MAST4: variants seen among roughly 807,000 people sequenced by gnomAD.
MAST4 encodes microtubule-associated serine/threonine-protein kinase 4.
Under a neutral mutation model 162.7 loss-of-function variants are expected in MAST4, and 89 were observed. The observed-to-expected ratio is 0.55, with a 90% CI of 0.46 to 0.65. The LOEUF (loss-of-function observed/expected upper bound fraction) is 0.65, where lower values mean the gene tolerates loss of function less well. Ranked by LOEUF, MAST4 falls within the 30% of genes least tolerant of loss-of-function variation. The pLI is 0.00. For missense variants in MAST4, 3,153 were observed against 3,374.0 expected, an observed-to-expected ratio of 0.93 and a Z score of 1.62; for synonymous variants, 1,479 against 1,361.1, an observed-to-expected ratio of 1.09 and a Z score of -1.91.
intron 1 of MAST4, among the ~76,000 whole-genome samples, chr5:66,624,766 A>C (rs1011188921): frequency 2.0e-5 from 3 of 152,210 alleles, no homozygotes; most frequent in Admixed American, 6.5e-5. Context: ...CAATTTCTGT[A>C]AGAGTGCCAA....
In MAST4 at chr5:67,167,326, T is replaced by C. The variant is rs1774176064; in HGVS notation, c.*275T>C. ...TACAGTTGAGGGTTGTTGAGGAAAATGATTTTCTTTGTAAATATATAGCAT... is the reference window on the plus strand; with the variant it reads ...TACAGTTGAGGGTTGTTGAGGAAAACGATTTTCTTTGTAAATATATAGCAT... On this transcript the variant is annotated 3_prime_UTR_variant, in exon 29 of 29. Transcript: ENST00000403625. 1 of 289,954 alleles carries C rather than the reference T, an allele frequency of 3.4e-6. No homozygotes were observed. The highest frequency in any genetic ancestry group is 2.4e-5 in the African/African-American group (1 of 41,082). The allele number at this position is 289,954 out of a possible 1,614,324, so 18.0% of individuals were successfully genotyped here. A position where few individuals can be genotyped will look rare whatever the true frequency, so the allele number is the denominator to read the frequency against.
chr5:66,907,817 G>T (rs942337903), intron 4 of MAST4, among the ~76,000 whole-genome samples: 3 of 152,038 alleles, frequency 2.0e-5, no homozygotes, highest in Non-Finnish European at 4.4e-5. Context: ...CAAAGTAAAG[G>T]CAATGTTTCC....
At chr5:66,875,031 G>T (rs1234908976) in intron 3 of MAST4, among the ~76,000 whole-genome samples, 3 of 152,128 alleles carry the variant, frequency 2.0e-5, no homozygotes, top group African/African-American at 7.2e-5. Flanking sequence ...CAAAAAAATA[G>T]GTTGATTTTT....
intron 4 of MAST4, among the ~76,000 whole-genome samples, chr5:66,983,770 T>G (rs369183138): frequency 6.6e-6 from 1 of 152,200 alleles, no homozygotes; most frequent in Non-Finnish European, 1.5e-5. Context: ...GTGTTATGAC[T>G]TTACACAAAG....
chr5:66,844,753 T>C (rs1239855735), intron 3 of MAST4, among the ~76,000 whole-genome samples: 3 of 152,072 alleles, frequency 2.0e-5, no homozygotes, highest in African/African-American at 4.8e-5. Context: ...TAAAGAGTGC[T>C]GTAAGAGTAC....
At chr5:66,750,653 G>A (rs914846574) in intron 1 of MAST4, among the ~76,000 whole-genome samples, 6 of 152,206 alleles carry the variant, frequency 3.9e-5, no homozygotes, top group Non-Finnish European at 7.3e-5. Flanking sequence ...CTACGCCCAC[G>A]GAGTCTCCCT....
chr5:67,038,674 A>T (rs71626484), intron 4 of MAST4, among the ~76,000 whole-genome samples: 37,252 of 152,054 alleles, frequency 0.24, 4,912 homozygotes, highest in African/African-American at 0.3. Flanking sequence ...CTCCCTTCTT[A>T]TACATTATTT....
chr5:66,718,967 T>C (rs908674847), intron 1 of MAST4, among the ~76,000 whole-genome samples: 1 of 152,216 alleles, frequency 6.6e-6, no homozygotes. Context: ...TCTTCTTTGG[T>C]CTTTAACACC....
intron 3 of MAST4, among the ~76,000 whole-genome samples, chr5:66,799,267 A>G (rs1755800894): frequency 6.6e-6 from 1 of 152,202 alleles, no homozygotes; most frequent in Non-Finnish European, 1.5e-5. Context: ...TTTAGTGTAC[A>G]CACTGCCTCT....
At position 67,078,863 on chromosome 5, in the gene MAST4, A is replaced by AATATATATTTATATAAATATATTTATAT. The variant is rs1561621419; in HGVS notation, c.764-11296_764-11269dup. 8.4e-5 allele frequency among the ~76,000 whole-genome samples: 8 copies of AATATATATTTATATAAATATATTTATAT among 95,320 alleles called. No homozygotes were observed. The South Asian group carries it at 8.4e-4, about 10-fold the overall frequency. 62.5% of individuals were successfully genotyped at this position (95,320 alleles called of 152,430 possible). On this transcript the variant is annotated intron_variant, in intron 5 of 28. Coordinates refer to ENST00000403625, the MANE Select transcript of MAST4 (RefSeq NM_001164664.2). Reference sequence around the variant, plus strand: ...TTAAATATATTTATATATTTATATAAATATATATTTATATAAATATATTTA... The same window carrying AATATATATTTATATAAATATATTTATAT: ...TTAAATATATTTATATATTTATATAAATATATATTTATATAAATATATTTATATATATATATTTATATAAATATATTTA...
chr5:66,869,781 C>G (rs1329417057), intron 3 of MAST4, among the ~76,000 whole-genome samples: 1 of 152,056 alleles, frequency 6.6e-6, no homozygotes, highest in Non-Finnish European at 1.5e-5. Flanking sequence ...AAATGCTAGC[C>G]CTCATCTGAG....
At chr5:67,112,746 T>C (rs1288302644) in intron 11 of MAST4, among the ~76,000 whole-genome samples, 1 of 152,116 alleles carries the variant, frequency 6.6e-6, no homozygotes, top group Admixed American at 6.5e-5. Context: ...CCAAGTGCAG[T>C]CTTTTTGGGT....
intron 3 of MAST4, among the ~76,000 whole-genome samples, chr5:66,879,363 T>C (rs551463907): frequency 0.098 from 635 of 6,498 alleles, 15 homozygotes; most frequent in South Asian, 0.48. Context: ...CACACACACA[T>C]ATATATATAT....
chr5:66,895,586 G>A (rs905898506), intron 3 of MAST4, among the ~76,000 whole-genome samples: 1 of 151,946 alleles, frequency 6.6e-6, no homozygotes, highest in Non-Finnish European at 1.5e-5. Flanking sequence ...TCTCTTTCAC[G>A]CTCCACATCC....
intron 2 of MAST4, 66 bp from the exon 3 acceptor site, chr5:66,788,604 C>CCCCCCA: frequency 7.5e-7 from 1 of 1,337,754 alleles, no homozygotes; most frequent in Non-Finnish European, 1.0e-6. Context: ...CCACCCCCAC[C>CCCCCCA]CCCATTGCAA....
At chr5:66,691,266 A>G (rs1749021553) in intron 1 of MAST4, among the ~76,000 whole-genome samples, 1 of 152,252 alleles carries the variant, frequency 6.6e-6, no homozygotes, top group Admixed American at 6.5e-5. Flanking sequence ...TGGTTTATTA[A>G]GAATTCAGTA....
intron 4 of MAST4, chr5:66,916,838 C>T (rs1580865662): frequency 3.5e-6 from 2 of 579,164 alleles, no homozygotes; most frequent in Non-Finnish European, 6.3e-6. Context: ...TATAGATATA[C>T]CACATTTTAT....
In MAST4 at chr5:67,112,506, G is replaced by A. The variant is rs963833755; in HGVS notation, c.1459-1581G>A. Among the ~76,000 whole-genome samples the A allele has an allele frequency of 2.0e-5, 3 of 152,156 alleles. No individual in the cohort carries two copies. In the South Asian group the frequency reaches 6.2e-4, roughly 32 times the overall value. ...TATGGTTTTACCTGTGCCTCTCACCGTCTGGCTGTAAACCAAGGTTCTTAT... is the reference window on the plus strand; with the variant it reads ...TATGGTTTTACCTGTGCCTCTCACCATCTGGCTGTAAACCAAGGTTCTTAT... On this transcript the variant is annotated intron_variant, in intron 11 of 28. Coordinates refer to ENST00000403625, the MANE Select transcript of MAST4 (RefSeq NM_001164664.2).
intron 4 of MAST4, among the ~76,000 whole-genome samples, chr5:67,049,009 A>ACACATATATATACG (rs1561576044): frequency 1.6e-5 from 2 of 125,430 alleles, no homozygotes; most frequent in African/African-American, 6.4e-5. Flanking sequence ...ATACACACAC[A>ACACATATATATACG]TATATATATA....
Sources: gnomAD v4.1 joint callset for allele counts (sites outside exome capture counted in the v4.1 genomes callset) on GRCh38, gnomAD v4.1.1 for gene constraint, MANE v1.5 for transcripts, NCBI Gene and HGNC (gene_info 2026-07-23, HGNC 2026-07-21) for gene names.